Variants in CLU observed in about 807,000 individuals in gnomAD.
CLU encodes the protein clusterin, also known as aging-associated protein 4.
A neutral mutation model predicts 46.4 loss-of-function variants in CLU; 25 were observed. The ratio of observed to expected loss-of-function variants is 0.54; its 90% confidence interval spans 0.39 to 0.75. CLU has a LOEUF of 0.75. Ranked by LOEUF, CLU falls within the 30% of genes least tolerant of loss-of-function variation. CLU has a pLI of 0.00. For missense variants in CLU, 504 were observed against 592.1 expected (o/e 0.85, Z 1.54); for synonymous variants, 235 against 235.1 (o/e 1.00, Z 0.00).
chr8:27,614,412 C>A (rs1264250072), intron 1 of CLU: 4 of 295,786 alleles, frequency 1.4e-5, no homozygotes, highest in Non-Finnish European at 2.6e-5. Flanking sequence ...TATTTACCCC[C>A]CCACCACAGA....
intron 6 of CLU, among the ~76,000 whole-genome samples, chr8:27,600,949 C>G (rs1019554334): frequency 5.3e-5 from 8 of 152,168 alleles, no homozygotes; most frequent in Admixed American, 6.5e-5. Flanking sequence ...TACCTAAAGC[C>G]ATAGAATAAA....
chr8:27,610,901 C>T, intron 1 of CLU: 2 of 397,748 alleles, frequency 5.0e-6, no homozygotes, highest in Admixed American at 3.6e-5. Flanking sequence ...ACATCCTCCC[C>T]GACAATCAGC....
In CLU at chr8:27,599,591, T is replaced by TA; in HGVS notation, c.1164+188dup. ...CTTGGCCAAGCTGTGGAACCTCTCT[T>TA]ACTTTGCTCCTTTGTAAAGCAGGGT... is the stretch of plus-strand genomic sequence containing the variant. On this transcript the variant is annotated intron_variant, in intron 7 of 8. Coordinates refer to ENST00000316403, the MANE Select transcript of CLU (RefSeq NM_001831.4). This position sits in a 1 kb window ranked among gnomAD's most constrained non-coding sequence, Gnocchi z 4.0. The TA allele has an allele frequency of 1.7e-6, 1 of 595,082 alleles. No individual in the cohort carries two copies. The highest frequency in any genetic ancestry group is 2.0e-5 in the South Asian group (1 of 50,638). The allele number at this position is 595,082 out of a possible 1,614,324, so 36.9% of individuals were successfully genotyped here.
chr8:27,606,232 G>T, intron 4 of CLU, 122 bp downstream of exon 4: 2 of 1,104,862 alleles, frequency 1.8e-6, no homozygotes, highest in Non-Finnish European at 2.7e-6. Flanking sequence ...ATGGAGCATG[G>T]CACTCTGGGC....
At chr8:27,609,853 T>G (rs1800889749) in intron 2 of CLU, among the ~76,000 whole-genome samples, 1 of 152,158 alleles carries the variant, frequency 6.6e-6, no homozygotes, top group Non-Finnish European at 1.5e-5. Context: ...TTTTAAGTCT[T>G]CCCACCGTCC....
intron 1 of CLU, chr8:27,613,946 C>T (rs1035171615): frequency 6.6e-6 from 1 of 152,160 alleles, no homozygotes; most frequent in South Asian, 2.1e-4. Flanking sequence ...GAGGCTTTGG[C>T]TCGAATCCCA....
chr8:27,611,352 A>G (rs183208195), intron 1 of CLU: 20 of 456,552 alleles, frequency 4.4e-5, no homozygotes, highest in Non-Finnish European at 8.3e-5. Context: ...TCCCTTTGGA[A>G]GGATGAGTCC....
intron 8 of CLU, 21 bp downstream of exon 8, chr8:27,598,439 A>G (rs577425488): frequency 6.2e-7 from 1 of 1,613,636 alleles, no homozygotes; most frequent in African/African-American, 1.3e-5. Flanking sequence ...GCAGGCCCGC[A>G]GGAAAGGCCC....
intron 2 of CLU, among the ~76,000 whole-genome samples, chr8:27,609,810 A>C (rs909125690): frequency 1.3e-5 from 2 of 152,216 alleles, no homozygotes; most frequent in Non-Finnish European, 1.5e-5. Flanking sequence ...TAATAACACC[A>C]TATCATAACT....
At position 27,599,702 on chromosome 8, in the gene CLU, G is replaced by A; in HGVS notation, c.1164+78C>T. On this transcript the variant is annotated intron_variant, in intron 7 of 8. Coordinates refer to ENST00000316403, the MANE Select transcript of CLU (RefSeq NM_001831.4). This position sits in a 1 kb window ranked among gnomAD's most constrained non-coding sequence, Gnocchi z 4.0. ...TTTTCTGCCGTGTGATAAATGCTCA[G>A]TCAAAAGCACACATGCCCCTGCTCC... The A allele has an allele frequency of 2.7e-6, 3 of 1,125,114 alleles. No individual in the cohort carries two copies. The Admixed American group carries it at 5.9e-5, about 22-fold the overall frequency. The allele number at this position is 1,125,114 out of a possible 1,614,324, so 69.7% of individuals were successfully genotyped here.
intron 6 of CLU, among the ~76,000 whole-genome samples, chr8:27,602,667 C>G (rs934897530): frequency 1.3e-5 from 2 of 151,690 alleles, no homozygotes; most frequent in Non-Finnish European, 2.9e-5. Flanking sequence ...CCAGGCAGTA[C>G]GTGCTTATAT....
intron 1 of CLU, among the ~76,000 whole-genome samples, chr8:27,612,548 T>C (rs1444880116): frequency 6.6e-6 from 1 of 152,156 alleles, no homozygotes; most frequent in East Asian, 1.9e-4. Context: ...CCGGACTGTG[T>C]GGCTCTGCTT....
At position 27,597,661 on chromosome 8, in the gene CLU, T is replaced by C. The variant is rs1403120410; in HGVS notation, c.*580A>G. The C allele has an allele frequency of 2.2e-6, 1 of 454,182 alleles. No individual in the cohort carries two copies. Among genetic ancestry groups the C allele is most frequent in the Admixed American group, 2.3e-5 (1 of 42,578 alleles). 28.1% of individuals were successfully genotyped at this position (454,182 alleles called of 1,614,324 possible). A position where few individuals can be genotyped will look rare whatever the true frequency, so the allele number is the denominator to read the frequency against. ...ATTCTTCTCCTTAACTTTCAGTGTA[T>C]TCCTTTAGGAGATTGTCGCACCTTG... On this transcript the variant is annotated 3_prime_UTR_variant, in exon 9 of 9. Coordinates refer to ENST00000316403, the MANE Select transcript of CLU (RefSeq NM_001831.4).
At chr8:27,611,389 G>T (rs1416179454) in intron 1 of CLU, 1 of 456,784 alleles carries the variant, frequency 2.2e-6, no homozygotes, top group Admixed American at 2.3e-5. Context: ...CCTCCACACT[G>T]CCCATCCCCT....
chr8:27,605,368 A>G, intron 4 of CLU, 33 bp from the exon 5 acceptor site: 1 of 1,613,186 alleles, frequency 6.2e-7, no homozygotes, highest in Non-Finnish European at 8.5e-7. Flanking sequence ...AGTTAGGAGA[A>G]GCTCACCAAG....
chr8:27,603,986 CA>C (rs1430853239), intron 6 of CLU, among the ~76,000 whole-genome samples: 6 of 152,206 alleles, frequency 3.9e-5, no homozygotes, highest in Non-Finnish European at 1.5e-5. Context: ...CGGGGAGTCC[CA>C]GGGGGATGAC....
At chr8:27,600,096 A>G (rs775169215) in intron 6 of CLU, 87 bp from the exon 7 acceptor site, 5 of 994,934 alleles carry the variant, frequency 5.0e-6, no homozygotes, top group Non-Finnish European at 7.9e-6. Context: ...AAGTTAGCAC[A>G]TGCAGCGGGA....
At chr8:27,601,209 C>G (rs953702525) in intron 6 of CLU, among the ~76,000 whole-genome samples, 4 of 152,216 alleles carry the variant, frequency 2.6e-5, no homozygotes, top group Non-Finnish European at 5.9e-5. Context: ...CCACCACCCC[C>G]GGGTGATTTT....
intron 3 of CLU, among the ~76,000 whole-genome samples, chr8:27,606,739 T>A (rs1800829361): frequency 6.6e-6 from 1 of 152,204 alleles, no homozygotes; most frequent in African/African-American, 2.4e-5. Flanking sequence ...CACTCATCCT[T>A]CAAGATCCAA....
Sources: allele counts gnomAD v4.1 joint callset (sites outside exome capture counted in the v4.1 genomes callset), GRCh38; gene constraint gnomAD v4.1.1; non-coding constraint Gnocchi (gnomAD v3.1); transcripts MANE v1.5; gene names NCBI Gene and HGNC (gene_info 2026-07-23, HGNC 2026-07-21).